The following ZNF365 variants were observed in gnomAD, a reference collection of about 807,000 sequenced individuals.
ZNF365 encodes zinc finger protein 365, also known as protein ZNF365.
A neutral mutation model predicts 35.0 loss-of-function variants in ZNF365; 22 were observed. The ratio of observed to expected loss-of-function variants is 0.63; its 90% CI spans 0.45 to 0.90. ZNF365 has a LOEUF of 0.90. Ranked by LOEUF, ZNF365 falls within the 40% of genes least tolerant of loss-of-function variation. ZNF365 has a pLI of 0.00. For missense variants in ZNF365, 448 were observed against 500.3 expected (o/e 0.90, Z 1.00); for synonymous variants, 188 against 196.2 (o/e 0.96, Z 0.35).
intron 4 of ZNF365, among the ~76,000 whole-genome samples, chr10:62,475,286 A>T (rs1398333166): frequency 1.3e-5 from 2 of 152,178 alleles, no homozygotes; most frequent in Middle Eastern, 3.2e-3. Context: ...TAAAGTCTGC[A>T]GTGGCATGTA....
chr10:62,389,087 T>TGATA (rs1343184647), intron 3 of ZNF365, among the ~76,000 whole-genome samples: 2 of 152,210 alleles, frequency 1.3e-5, no homozygotes, highest in East Asian at 3.9e-4. Flanking sequence ...GATTCACAAG[T>TGATA]GATAGTTCTA....
intron 4 of ZNF365, among the ~76,000 whole-genome samples, chr10:62,478,877 A>G (rs1270636690): frequency 6.6e-6 from 1 of 152,224 alleles, no homozygotes; most frequent in African/African-American, 2.4e-5. Flanking sequence ...CCCTGCCACA[A>G]GTGTCGTTTT....
chr10:62,430,472 G>C (rs772866772), intron 3 of ZNF365, among the ~76,000 whole-genome samples: 2 of 152,144 alleles, frequency 1.3e-5, no homozygotes, highest in Non-Finnish European at 2.9e-5. Context: ...GATGGAAAAG[G>C]TTTTATCACA....
chr10:62,480,063 G>A, exon 5 of ZNF365: 1 of 1,362,928 alleles, frequency 7.3e-7, no homozygotes, highest in South Asian at 1.5e-5. Flanking sequence ...CTCACCAGGA[G>A]TGGGTTCAGA....
chr10:62,475,374 A>G (rs1370266029), intron 4 of ZNF365, among the ~76,000 whole-genome samples: 1 of 152,208 alleles, frequency 6.6e-6, no homozygotes, highest in African/African-American at 2.4e-5. Flanking sequence ...GTGCACCATG[A>G]TTGTGCCTAT....
At chr10:62,420,973 GTT>G (rs34084544) in intron 3 of ZNF365, among the ~76,000 whole-genome samples, 19 of 140,282 alleles carry the variant, frequency 1.4e-4, no homozygotes, top group African/African-American at 1.8e-4. Flanking sequence ...TGTAGAGATG[GTT>G]TTTTTTTTTT....
chr10:62,448,765 C>G (rs1252770504), intron 3 of ZNF365, among the ~76,000 whole-genome samples: 2 of 152,004 alleles, frequency 1.3e-5, no homozygotes, highest in African/African-American at 4.8e-5. Flanking sequence ...ATGGATCCAT[C>G]ATATATATGA....
intron 3 of ZNF365, among the ~76,000 whole-genome samples, chr10:62,423,860 A>G (rs1002220004): frequency 6.6e-6 from 1 of 152,188 alleles, no homozygotes; most frequent in Non-Finnish European, 1.5e-5. Flanking sequence ...CTATGATTAC[A>G]TATTAGGTTA....
In ZNF365 at chr10:62,397,690, TAGAC is replaced by T. The variant is rs1170958990; in HGVS notation, c.925-1047_925-1044del. 4.6e-5 allele frequency among the ~76,000 whole-genome samples: 7 copies of T among 152,352 alleles called. No individual in the cohort carries two copies. In the Middle Eastern group the frequency reaches 0.01, roughly 222 times the overall value. ...TAGGAGTGGGAAATCATCTCAATGA[TAGAC>T]AGCCTCAGGGACATTTGTGGGGTTG... On this transcript the variant is annotated intron_variant, in intron 3 of 4. Coordinates refer to ENST00000395254, the MANE Select transcript of ZNF365 (RefSeq NM_014951.3).
intron 4 of ZNF365, among the ~76,000 whole-genome samples, chr10:62,461,685 T>C (rs2132481615): frequency 6.6e-6 from 1 of 152,238 alleles, no homozygotes; most frequent in South Asian, 2.1e-4. Flanking sequence ...TTTCCAGAAT[T>C]GAAGAATGAC....
chr10:62,387,831 C>T (rs1230461399), intron 2 of ZNF365, among the ~76,000 whole-genome samples: 3 of 152,142 alleles, frequency 2.0e-5, no homozygotes, highest in Admixed American at 6.5e-5. Context: ...CTCTCCCAAT[C>T]GCCAGACTTT....
At chr10:62,455,119 TGTAAA>T (rs1840742360) in intron 3 of ZNF365, among the ~76,000 whole-genome samples, 1 of 152,148 alleles carries the variant, frequency 6.6e-6, no homozygotes, top group African/African-American at 2.4e-5. Flanking sequence ...GCAGTTAACT[TGTAAA>T]GGACAGAAAA....
At chr10:62,414,851 G>A (rs1335153938) in intron 3 of ZNF365, among the ~76,000 whole-genome samples, 1 of 151,884 alleles carries the variant, frequency 6.6e-6, no homozygotes, top group African/African-American at 2.4e-5. Context: ...TTTTCACTGT[G>A]TTCCACGTTT....
At chr10:62,447,262 C>A (rs910286218) in intron 3 of ZNF365, among the ~76,000 whole-genome samples, 1 of 152,126 alleles carries the variant, frequency 6.6e-6, no homozygotes, top group African/African-American at 2.4e-5. Flanking sequence ...TTAACCTCCC[C>A]TTTACATACA....
At chr10:62,375,270 C>G (rs3781213) in intron 1 of ZNF365, among the ~76,000 whole-genome samples, 83,228 of 152,000 alleles carry the variant, frequency 0.55, 25,068 homozygotes, top group East Asian at 0.78. Context: ...TATGCTGATA[C>G]CTACCTGGTT....
chr10:62,400,471 C>A lies in ZNF365; in HGVS notation c.*682C>A, dbSNP rs1421273732. On this transcript the variant is annotated 3_prime_UTR_variant, in exon 5 of 5. Coordinates refer to ENST00000395254, the MANE Select transcript of ZNF365 (RefSeq NM_014951.3). ...TATTCAGATTTTGGTACACCTCTGC[C>A]GTCTTCTTTGGCTGAGTATTCTGCA... 1.0e-6 allele frequency: 1 copy of A among 985,816 alleles called. No homozygotes were observed. The highest frequency in any genetic ancestry group is 1.2e-6 in the Non-Finnish European group (1 of 829,952). The allele number at this position is 985,816 out of a possible 1,614,324, so 61.1% of individuals were successfully genotyped here.
chr10:62,401,729 A>G lies in ZNF365; in HGVS notation c.*1940A>G, dbSNP rs1839832874. 2 of 985,520 alleles carry G rather than the reference A, an allele frequency of 2.0e-6. No homozygotes were observed. The highest frequency in any genetic ancestry group is 2.4e-6 in the Non-Finnish European group (2 of 829,918). 61.0% of individuals were successfully genotyped at this position (985,520 alleles called of 1,614,324 possible). The stretch of plus-strand genomic sequence containing the variant: ...TGTATTGCATGCTCTTTGTCCTGTA[A>G]TGTGTGTGCAATGACAACTTGTTTC... On this transcript the variant is annotated 3_prime_UTR_variant, in exon 5 of 5. Transcript: ENST00000395254.
At chr10:62,473,674 C>A (rs1466444906) in intron 4 of ZNF365, among the ~76,000 whole-genome samples, 2 of 151,978 alleles carry the variant, frequency 1.3e-5, no homozygotes, top group African/African-American at 2.4e-5. Flanking sequence ...CCATGCCTGG[C>A]ACATAGTAAA....
chr10:62,456,248 A>G (rs947809795), intron 3 of ZNF365, among the ~76,000 whole-genome samples: 4 of 152,144 alleles, frequency 2.6e-5, no homozygotes, highest in Non-Finnish European at 1.5e-5. Context: ...AAAAAAAAAA[A>G]TGAACACCTC....
Sources: allele counts gnomAD v4.1 joint callset (sites outside exome capture counted in the v4.1 genomes callset), GRCh38; gene constraint gnomAD v4.1.1; transcripts MANE v1.5; gene names NCBI Gene and HGNC (gene_info 2026-07-23, HGNC 2026-07-21).